The following FRMD4A variants were observed in gnomAD, a reference collection of about 807,000 sequenced individuals.
FRMD4A encodes the protein FERM domain-containing protein 4A.
A neutral mutation model predicts 129.1 loss-of-function variants in FRMD4A; 29 were observed. That is an observed-to-expected ratio of 0.22 (90% CI 0.17 to 0.31). The LOEUF (loss-of-function observed/expected upper bound fraction) is 0.31. Ranked by LOEUF, FRMD4A falls within the 10% of genes least tolerant of loss-of-function variation. FRMD4A has a pLI of 1.00. For missense variants in FRMD4A, 1,272 were observed against 1,375.8 expected, an observed-to-expected ratio of 0.92 and a Z score of 1.19; for synonymous variants, 634 against 571.6, an observed-to-expected ratio of 1.11 and a Z score of -1.56.
At chr10:13,839,768 A>G (rs898575622) in intron 3 of FRMD4A, among the ~76,000 whole-genome samples, 2 of 152,158 alleles carry the variant, frequency 1.3e-5, no homozygotes, top group South Asian at 2.1e-4. Flanking sequence ...AGTGCTTGAG[A>G]TTGGGAGGAG....
intron 12 of FRMD4A, among the ~76,000 whole-genome samples, chr10:13,726,881 A>G (rs1588445622): frequency 6.6e-6 from 1 of 151,470 alleles, no homozygotes; most frequent in South Asian, 2.1e-4. Flanking sequence ...GGTGTGAGCC[A>G]CCTAGCCTGG....
chr10:14,116,886 G>A (rs1838227647), intron 2 of FRMD4A, among the ~76,000 whole-genome samples: 1 of 152,158 alleles, frequency 6.6e-6, no homozygotes, highest in Non-Finnish European at 1.5e-5. Context: ...CATCTGTCTT[G>A]GTGCTGAAAT....
At chr10:13,883,193 T>C (rs1046165324) in intron 2 of FRMD4A, among the ~76,000 whole-genome samples, 7 of 151,988 alleles carry the variant, frequency 4.6e-5, no homozygotes, top group Non-Finnish European at 8.8e-5. Flanking sequence ...TCTAGCTGCT[T>C]AAGAAACAAA....
At chr10:14,201,947 G>T (rs913339354) in intron 2 of FRMD4A, among the ~76,000 whole-genome samples, 23 of 152,086 alleles carry the variant, frequency 1.5e-4, no homozygotes, top group African/African-American at 5.6e-4. Flanking sequence ...TGGCCAACAT[G>T]GTGAAACGCC....
At chr10:13,945,704 C>T (rs1018117231) in intron 2 of FRMD4A, among the ~76,000 whole-genome samples, 9 of 152,134 alleles carry the variant, frequency 5.9e-5, no homozygotes, top group East Asian at 1.9e-4. Context: ...ATGCTCCATG[C>T]GGCCATTTAA....
intron 2 of FRMD4A, among the ~76,000 whole-genome samples, chr10:14,249,350 T>TCAAAAAAAAAAAA (rs1564416620): frequency 0.013 from 1,599 of 121,012 alleles, 58 homozygotes; most frequent in African/African-American, 0.042. Flanking sequence ...AGAATCTGTC[T>TCAAAAAAAAAAAA]TAAAAAAAAA....
chr10:14,115,864 C>A lies in FRMD4A; in HGVS notation c.45+214194G>T, dbSNP rs375118829. ...TTATAAATTACCCAGCCTCAGGTAT[C>A]TCTTCATAGCAATGCAAATGGACTA... On this transcript the variant is annotated intron_variant, in intron 2 of 24. Transcript: ENST00000357447. Among the ~76,000 whole-genome samples, 12 of 152,328 alleles carry A rather than the reference C, an allele frequency of 7.9e-5. No individual in the cohort carries two copies. The East Asian group carries it at 2.3e-3, about 29-fold the overall frequency.
intron 14 of FRMD4A, among the ~76,000 whole-genome samples, chr10:13,695,290 A>G (rs1158534892): frequency 6.6e-6 from 1 of 151,958 alleles, no homozygotes; most frequent in African/African-American, 2.4e-5. Context: ...ACAGGTGTCC[A>G]CCACCACGCC....
At chr10:13,699,039 T>G (rs1830993) in intron 14 of FRMD4A, among the ~76,000 whole-genome samples, 56,528 of 147,768 alleles carry the variant, frequency 0.38, 11,106 homozygotes, top group African/African-American at 0.49. Context: ...TTGTTGCTAA[T>G]TTATCTACAA....
chr10:13,698,314 T>C (rs17627309), intron 14 of FRMD4A, among the ~76,000 whole-genome samples: 26,373 of 151,958 alleles, frequency 0.17, 3,064 homozygotes, highest in Non-Finnish European at 0.25. Flanking sequence ...GAGAAAGGAA[T>C]GGTTGGCATG....
intron 2 of FRMD4A, among the ~76,000 whole-genome samples, chr10:14,289,549 GT>G (rs975997457): frequency 6.6e-6 from 1 of 152,042 alleles, no homozygotes; most frequent in African/African-American, 2.4e-5. Context: ...TCAGATACAT[GT>G]TTTGCAAATT....
At chr10:13,749,092 C>T (rs978664681) in intron 8 of FRMD4A, among the ~76,000 whole-genome samples, 1 of 152,210 alleles carries the variant, frequency 6.6e-6, no homozygotes, top group Non-Finnish European at 1.5e-5. Context: ...CACTTACTAC[C>T]TCCAGAGCAA....
At position 13,842,259 on chromosome 10, in the gene FRMD4A, G is replaced by A. The variant is rs7073646; in HGVS notation, c.111+16588C>T. On this transcript the variant is annotated intron_variant, in intron 3 of 24. Coordinates refer to ENST00000357447, the MANE Select transcript of FRMD4A (RefSeq NM_018027.5). ...CTCTCCTTCCTGTCTTCTGAGTGTC[G>A]TCTAGTCCATACACGTGGGTTTGCT... Among the ~76,000 whole-genome samples, 149 of 152,032 alleles carry A rather than the reference G, an allele frequency of 9.8e-4. 1 individual carries two copies. Among genetic ancestry groups the A allele is most frequent in the Non-Finnish European group, 1.8e-3 (119 of 67,982 alleles).
intron 2 of FRMD4A, among the ~76,000 whole-genome samples, chr10:14,124,662 C>A (rs1234250110): frequency 2.0e-5 from 3 of 152,030 alleles, no homozygotes; most frequent in African/African-American, 7.2e-5. Context: ...GGTGACAGGG[C>A]AAGACTTTGT....
chr10:13,970,742 G>C (rs1396902571), intron 2 of FRMD4A, among the ~76,000 whole-genome samples: 1 of 152,120 alleles, frequency 6.6e-6, no homozygotes, highest in Non-Finnish European at 1.5e-5. Flanking sequence ...TCTCAGGCGG[G>C]GCTGGGGCTG....
At chr10:13,740,347 G>A in intron 10 of FRMD4A, 96 bp from the exon 11 acceptor site, 1 of 958,106 alleles carries the variant, frequency 1.0e-6, no homozygotes, top group Non-Finnish European at 1.7e-6. Context: ...TTGTGTATGT[G>A]TACGTGATAA....
In FRMD4A at chr10:13,688,250, T is replaced by C. The variant is rs563983631; in HGVS notation, c.1117+5648A>G. The stretch of plus-strand genomic sequence containing the variant: ...TGAGTTCATGTCCTTTGTAGGGACA[T>C]GGATGAAACTGGAAACCATCATTCT... On this transcript the variant is annotated intron_variant, in intron 15 of 24. Coordinates refer to ENST00000357447, the MANE Select transcript of FRMD4A (RefSeq NM_018027.5). Among the ~76,000 whole-genome samples, 1,129 of 152,236 alleles carry C rather than the reference T, an allele frequency of 7.4e-3. 17 individuals are homozygous for C. Among genetic ancestry groups the C allele is most frequent in the African/African-American group, 0.026 (1,073 of 41,534 alleles).
At chr10:13,892,128 G>A (rs1267953078) in intron 2 of FRMD4A, among the ~76,000 whole-genome samples, 2 of 146,092 alleles carry the variant, frequency 1.4e-5, no homozygotes, top group African/African-American at 5.1e-5. Flanking sequence ...GTTCGCTCCC[G>A]GTGAGGCTGC....
chr10:14,270,092 C>T (rs1845112348), intron 2 of FRMD4A, among the ~76,000 whole-genome samples: 1 of 152,162 alleles, frequency 6.6e-6, no homozygotes, highest in Non-Finnish European at 1.5e-5. Context: ...AAACCAGTGG[C>T]CCCCCAGGCT....
Sources: gnomAD v4.1 joint callset for allele counts (sites outside exome capture counted in the v4.1 genomes callset) on GRCh38, gnomAD v4.1.1 for gene constraint, MANE v1.5 for transcripts, NCBI Gene and HGNC (gene_info 2026-07-23, HGNC 2026-07-21) for gene names.